The following ANKS1B variants were observed in gnomAD, a reference collection of about 807,000 sequenced individuals.
The protein encoded by ANKS1B is ankyrin repeat and sterile alpha motif domain containing 1B, also known as ankyrin repeat and sterile alpha motif domain-containing protein 1B.
A neutral mutation model predicts 148.3 loss-of-function variants in ANKS1B; 36 were observed. The observed-to-expected ratio is 0.24, with a 90% CI of 0.19 to 0.32. The LOEUF is 0.32. Among genes scored for constraint, ANKS1B ranks in the 10% least tolerant of loss-of-function variants. The pLI is 1.00. For synonymous variants in ANKS1B, 542 were observed against 560.8 expected (o/e 0.97, Z 0.47); for missense variants, 1,157 against 1,542.6 (o/e 0.75, Z 4.19).
chr12:98,915,878 C>T lies in ANKS1B; in HGVS notation c.2779-83742G>A, dbSNP rs150689708. Among the ~76,000 whole-genome samples the T allele has an allele frequency of 2.4e-3, 371 of 152,260 alleles. 1 individual carries two copies. Among genetic ancestry groups the T allele is most frequent in the African/African-American group, 8.3e-3 (346 of 41,542 alleles). ...CAAGACTCAAATCCAGCTTTCCTGC[C>T]GCCCCATCTAGCTCTCAGCCACCAC... On this transcript the variant is annotated intron_variant, in intron 17 of 26. Coordinates refer to ENST00000683438, the MANE Select transcript of ANKS1B (RefSeq NM_001352186.2).
At chr12:99,159,477 T>C (rs1486554651) in intron 14 of ANKS1B, among the ~76,000 whole-genome samples, 2 of 152,168 alleles carry the variant, frequency 1.3e-5, no homozygotes, top group Non-Finnish European at 2.9e-5. Flanking sequence ...GAACATACAG[T>C]ACTTGGTTTT....
intron 4 of ANKS1B, among the ~76,000 whole-genome samples, chr12:99,794,214 T>C (rs2065973120): frequency 6.6e-6 from 1 of 151,988 alleles, no homozygotes. Flanking sequence ...TCCTATATAC[T>C]GTAGGTGGGA....
chr12:99,016,095 T>C (rs955779665), intron 17 of ANKS1B, among the ~76,000 whole-genome samples: 3 of 152,212 alleles, frequency 2.0e-5, no homozygotes, highest in African/African-American at 7.2e-5. Context: ...GGTAGAGTTT[T>C]ATGAAGGCCT....
chr12:99,551,954 C>A (rs1425046955), intron 9 of ANKS1B, among the ~76,000 whole-genome samples: 1 of 152,124 alleles, frequency 6.6e-6, no homozygotes, highest in Admixed American at 6.6e-5. Context: ...CCACCACACA[C>A]ACACATCTGA....
In ANKS1B at chr12:99,614,296, G is replaced by A. The variant is rs1379429958; in HGVS notation, c.1272+40771C>T. 3.3e-5 allele frequency among the ~76,000 whole-genome samples: 5 copies of A among 151,984 alleles called. No individual in the cohort carries two copies. The South Asian group carries it at 8.4e-4, about 25-fold the overall frequency. On this transcript the variant is annotated intron_variant, in intron 9 of 26. Coordinates refer to ENST00000683438, the MANE Select transcript of ANKS1B (RefSeq NM_001352186.2). ...CCAAAAATACAAAAATTAGCCTGGC[G>A]TGGTGGTGCATGCCTGTAGTCCCAG...
rs897191437 is a variant in ANKS1B, at chr12:99,821,282, T to C, written c.215+4027A>G. ...ATCTTCCTGCTTTTTCCAATGCCTA[T>C]AGGATGACACTGAAAATTAAAAAGA... is the stretch of plus-strand genomic sequence containing the variant. On this transcript the variant is annotated intron_variant, in intron 2 of 26. Coordinates refer to ENST00000683438, the MANE Select transcript of ANKS1B (RefSeq NM_001352186.2). Among the ~76,000 whole-genome samples the C allele has an allele frequency of 2.0e-5, 3 of 152,030 alleles. No individual in the cohort carries two copies. The South Asian group carries it at 6.2e-4, about 32-fold the overall frequency.
At chr12:99,484,172 C>G (rs2096455389) in intron 10 of ANKS1B, among the ~76,000 whole-genome samples, 1 of 151,914 alleles carries the variant, frequency 6.6e-6, no homozygotes, top group Admixed American at 6.6e-5. Flanking sequence ...TTGCTGTATC[C>G]CAGAGAATTT....
chr12:99,698,049 G>A lies in ANKS1B; in HGVS notation c.1129-42839C>T, dbSNP rs1015662058. Among the ~76,000 whole-genome samples, 4 of 151,892 alleles carry A rather than the reference G, an allele frequency of 2.6e-5. No homozygotes were observed. In the South Asian group the frequency reaches 8.3e-4, roughly 31 times the overall value. ...TATGGGGTGGGTAGAAAGAGCAGAA[G>A]GTATAGGAAAGAGGTAGGATTTCTC... is the stretch of plus-strand genomic sequence containing the variant. On this transcript the variant is annotated intron_variant, in intron 8 of 26. Coordinates refer to ENST00000683438, the MANE Select transcript of ANKS1B (RefSeq NM_001352186.2).
intron 14 of ANKS1B, among the ~76,000 whole-genome samples, chr12:99,163,948 TG>T (rs1402240767): frequency 6.6e-6 from 1 of 152,190 alleles, no homozygotes; most frequent in Non-Finnish European, 1.5e-5. Context: ...TAGCATTTGG[TG>T]TTGTCAATTT....
At chr12:99,673,818 T>A (rs1038775064) in intron 8 of ANKS1B, among the ~76,000 whole-genome samples, 1 of 151,694 alleles carries the variant, frequency 6.6e-6, no homozygotes, top group East Asian at 1.9e-4. Flanking sequence ...AATATAATTA[T>A]AGAATATGGT....
intron 1 of ANKS1B, among the ~76,000 whole-genome samples, chr12:99,950,961 C>T (rs566036674): frequency 6.6e-6 from 1 of 152,318 alleles, no homozygotes; most frequent in East Asian, 1.9e-4. Flanking sequence ...CCTTCCAGGA[C>T]TTAGAATTTC....
At chr12:99,381,582 G>A (rs1403497004) in intron 12 of ANKS1B, among the ~76,000 whole-genome samples, 1 of 152,162 alleles carries the variant, frequency 6.6e-6, no homozygotes, top group Non-Finnish European at 1.5e-5. Flanking sequence ...CAGCAGACTG[G>A]TCAAGTAAAA....
At chr12:98,786,702 G>C (rs1264291932) in intron 22 of ANKS1B, among the ~76,000 whole-genome samples, 5 of 152,180 alleles carry the variant, frequency 3.3e-5, no homozygotes, top group Admixed American at 2.0e-4. Context: ...TTTATGATGG[G>C]GAGCACTTCA....
At chr12:99,718,029 G>A (rs529887387) in intron 8 of ANKS1B, among the ~76,000 whole-genome samples, 12 of 145,774 alleles carry the variant, frequency 8.2e-5, no homozygotes, top group South Asian at 6.8e-4. Flanking sequence ...TCAGCCTCCC[G>A]AGTAGCTGGG....
intron 14 of ANKS1B, among the ~76,000 whole-genome samples, chr12:99,176,010 C>G (rs906017026): frequency 2.0e-5 from 3 of 152,054 alleles, no homozygotes; most frequent in Non-Finnish European, 4.4e-5. Flanking sequence ...CCATGCCCGG[C>G]TAATTTTTTT....
intron 1 of ANKS1B, among the ~76,000 whole-genome samples, chr12:99,859,987 C>T (rs1203567664): frequency 6.6e-6 from 1 of 152,132 alleles, no homozygotes; most frequent in African/African-American, 2.4e-5. Flanking sequence ...CAGGAATTCC[C>T]AGAAATTCTC....
intron 17 of ANKS1B, chr12:98,894,826 G>GGCCGC (rs994383240): frequency 7.1e-6 from 7 of 982,730 alleles, no homozygotes; most frequent in Admixed American, 1.2e-4. Flanking sequence ...CGCGGAGCTT[G>GGCCGC]GCCGCGCCGC....
chr12:99,872,601 T>C (rs1330674255), intron 1 of ANKS1B, among the ~76,000 whole-genome samples: 4 of 152,154 alleles, frequency 2.6e-5, no homozygotes, highest in African/African-American at 9.6e-5. Flanking sequence ...TATACAGCCT[T>C]AGTAAATGTA....
intron 1 of ANKS1B, among the ~76,000 whole-genome samples, chr12:99,900,404 G>T (rs61940355): frequency 0.17 from 26,134 of 150,394 alleles, 2,859 homozygotes; most frequent in Non-Finnish European, 0.25. Context: ...TACTCAGGAG[G>T]CTGAGGCAGG....
Sources: allele counts gnomAD v4.1 joint callset (sites outside exome capture counted in the v4.1 genomes callset), GRCh38; gene constraint gnomAD v4.1.1; transcripts MANE v1.5; gene names NCBI Gene and HGNC (gene_info 2026-07-23, HGNC 2026-07-21).